PRKG1: variants seen among roughly 807,000 people sequenced by gnomAD.
PRKG1 encodes the protein cGMP-dependent protein kinase 1.
A neutral mutation model predicts 88.1 loss-of-function variants in PRKG1; 35 were observed. That is an observed-to-expected ratio of 0.40 (90% confidence interval 0.30 to 0.53). The LOEUF (loss-of-function observed/expected upper bound fraction) is 0.53. PRKG1 is among the 20% of genes least tolerant of loss of function. The pLI, the probability that PRKG1 is intolerant of heterozygous loss-of-function variation, is 0.59. For synonymous variants in PRKG1, 303 were observed against 292.5 expected (o/e 1.04, Z -0.37); for missense variants, 540 against 839.8 (o/e 0.64, Z 4.41).
rs1177317186 is a variant in PRKG1 at position 51,708,972 on chromosome 10, AC to A, written c.593-95612del. On this transcript the variant is annotated intron_variant, in intron 3 of 17. Transcript: ENST00000373980. The stretch of plus-strand genomic sequence containing the variant: ...AATTCCAAAAATACTTTGGTGACCT[AC>A]TCTTATGAAGGAAGGGAGCAGTTAA... Among the ~76,000 whole-genome samples, 4 of 152,100 alleles carry A rather than the reference AC, an allele frequency of 2.6e-5. No individual in the cohort carries two copies. In the East Asian group the frequency reaches 7.7e-4, roughly 29 times the overall value.
At position 51,787,826 on chromosome 10, in the gene PRKG1, A is replaced by G. The variant is rs542874670; in HGVS notation, c.593-16759A>G. On this transcript the variant is annotated intron_variant, in intron 3 of 17. Transcript: ENST00000373980. Reference sequence around the variant, plus strand: ...AAAAGTTCACAAACTACTTATTACAATCAACCTTCAGAATAACTCAGTTTT... The same window carrying G: ...AAAAGTTCACAAACTACTTATTACAGTCAACCTTCAGAATAACTCAGTTTT... Among the ~76,000 whole-genome samples, 20 of 152,282 alleles carry G rather than the reference A, an allele frequency of 1.3e-4. No individual in the cohort carries two copies. The East Asian group carries it at 2.3e-3, about 18-fold the overall frequency.
chr10:52,041,308 G>A (rs751758635), intron 5 of PRKG1, among the ~76,000 whole-genome samples: 2 of 152,186 alleles, frequency 1.3e-5, no homozygotes, highest in Non-Finnish European at 1.5e-5. Context: ...AACCATCCCT[G>A]CATCCTTTGG....
In PRKG1 at chr10:51,123,866, C is replaced by T. The variant is rs192291191; in HGVS notation, c.312-29298C>T. Among the ~76,000 whole-genome samples, 5 of 152,062 alleles carry T rather than the reference C, an allele frequency of 3.3e-5. No individual in the cohort carries two copies. The East Asian group carries it at 5.8e-4, about 18-fold the overall frequency. On this transcript the variant is annotated intron_variant, in intron 1 of 17. Coordinates refer to ENST00000373980, the MANE Select transcript of PRKG1 (RefSeq NM_006258.4). ...AGGTGAAGTGGAGGCAGGCACTTCA[C>T]GTGGTGAAAGCAGGCGCGAGAGAGT... is the stretch of plus-strand genomic sequence containing the variant.
rs141511113 is a variant in PRKG1 at position 51,035,491 on chromosome 10, T to G, written c.266+43847T>G. Among the ~76,000 whole-genome samples, 530 of 152,248 alleles carry G rather than the reference T, an allele frequency of 3.5e-3. 3 individuals are homozygous for G. The highest frequency in any genetic ancestry group is 0.011 in the African/African-American group (471 of 41,558). Reference sequence around the variant, plus strand: ...TCAGTTATAGGTCAATAACCTGGCTTTATTAACATAACACCTGGGTGATAC... The same window carrying G: ...TCAGTTATAGGTCAATAACCTGGCTGTATTAACATAACACCTGGGTGATAC... On this transcript the variant is annotated intron_variant, in intron 1 of 17. Coordinates refer to the PRKG1 transcript ENST00000401604.
intron 3 of PRKG1, among the ~76,000 whole-genome samples, chr10:51,763,433 AT>A (rs112536289): frequency 7.3e-5 from 11 of 151,654 alleles, no homozygotes; most frequent in African/African-American, 2.4e-4. Flanking sequence ...TTTAAAAAAA[AT>A]TTTTATAGAG....
At chr10:51,240,115 CA>C (rs1439400289) in intron 2 of PRKG1, among the ~76,000 whole-genome samples, 2 of 152,096 alleles carry the variant, frequency 1.3e-5, no homozygotes, top group African/African-American at 4.8e-5. Flanking sequence ...TCTACCTTGC[CA>C]GCCACATCAT....
chr10:51,901,071 G>T (rs1841969002), intron 4 of PRKG1, among the ~76,000 whole-genome samples: 1 of 152,102 alleles, frequency 6.6e-6, no homozygotes, highest in African/African-American at 2.4e-5. Flanking sequence ...AGTATAGTTT[G>T]GTGTTACTGC....
rs147550723 is a variant in PRKG1, at chr10:51,821,613, C to T, written c.698+16923C>T. 6.7e-3 allele frequency among the ~76,000 whole-genome samples: 1,014 copies of T among 152,050 alleles called. 10 individuals are homozygous for T. The highest frequency in any genetic ancestry group is 0.023 in the African/African-American group (950 of 41,498). On this transcript the variant is annotated intron_variant, in intron 4 of 17. Coordinates refer to ENST00000373980, the MANE Select transcript of PRKG1 (RefSeq NM_006258.4). ...CACCCCATTAACAATATTTTTAGCACGTTGACCTATATATTTATATTTAGC... is the reference window on the plus strand; with the variant it reads ...CACCCCATTAACAATATTTTTAGCATGTTGACCTATATATTTATATTTAGC...
At chr10:51,252,620 C>A (rs149149930) in intron 2 of PRKG1, among the ~76,000 whole-genome samples, 1 of 151,494 alleles carries the variant, frequency 6.6e-6, no homozygotes, top group Non-Finnish European at 1.5e-5. Context: ...ATAATAATTG[C>A]CCTTATTGAC....
intron 3 of PRKG1, among the ~76,000 whole-genome samples, chr10:51,524,842 G>A (rs1422923623): frequency 2.0e-5 from 3 of 152,118 alleles, no homozygotes; most frequent in South Asian, 2.1e-4. Context: ...TTTTTGGTAC[G>A]AAGGCTCACA....
chr10:51,080,437 A>ATT (rs35603562), intron 1 of PRKG1, among the ~76,000 whole-genome samples: 11 of 151,292 alleles, frequency 7.3e-5, no homozygotes, highest in African/African-American at 2.2e-4. Context: ...ATATGGACAC[A>ATT]TTTTTTTTTC....
intron 3 of PRKG1, among the ~76,000 whole-genome samples, chr10:51,765,124 A>G (rs1286490786): frequency 6.6e-6 from 1 of 152,188 alleles, no homozygotes; most frequent in East Asian, 1.9e-4. Context: ...GAGCACAGCT[A>G]GTTTCTTGAA....
rs186407643 is a variant in PRKG1 at position 51,826,860 on chromosome 10, G to A, written c.698+22170G>A. On this transcript the variant is annotated intron_variant, in intron 4 of 17. Transcript: ENST00000373980. The stretch of plus-strand genomic sequence containing the variant: ...TAAAATATAGCACAATAGACAAGAT[G>A]TGAAATAATTTTACTCTTGTTATTG... Among the ~76,000 whole-genome samples, 827 of 152,270 alleles carry A rather than the reference G, an allele frequency of 5.4e-3. 9 individuals are homozygous for A. Among genetic ancestry groups the A allele is most frequent in the Non-Finnish European group, 7.8e-3 (532 of 68,024 alleles).
chr10:51,867,810 A>G (rs1841052866), intron 4 of PRKG1, among the ~76,000 whole-genome samples: 1 of 152,198 alleles, frequency 6.6e-6, no homozygotes, highest in South Asian at 2.1e-4. Context: ...AATTGAAAAG[A>G]CGTAAAGTAA....
chr10:51,334,152 T>C (rs369564260), intron 2 of PRKG1, among the ~76,000 whole-genome samples: 150 of 137,088 alleles, frequency 1.1e-3, no homozygotes, highest in South Asian at 2.2e-3. Flanking sequence ...CTCTCTCTCT[T>C]TCTCTCTCTC....
chr10:51,473,818 A>G (rs989093822), intron 3 of PRKG1, among the ~76,000 whole-genome samples: 1 of 151,810 alleles, frequency 6.6e-6, no homozygotes, highest in African/African-American at 2.4e-5. Context: ...TCCCACAAAA[A>G]TCTGCACCAT....
At chr10:52,240,513 A>G (rs1236185665) in intron 9 of PRKG1, among the ~76,000 whole-genome samples, 3 of 152,202 alleles carry the variant, frequency 2.0e-5, no homozygotes, top group South Asian at 2.1e-4. Flanking sequence ...ACAAAACCCT[A>G]TAGATTGCTT....
chr10:51,529,276 A>G (rs1841956978), intron 3 of PRKG1, among the ~76,000 whole-genome samples: 1 of 152,038 alleles, frequency 6.6e-6, no homozygotes, highest in South Asian at 2.1e-4. Flanking sequence ...GACCTACACT[A>G]TTGCATTGAT....
chr10:51,899,609 G>A (rs1841933160), intron 4 of PRKG1, among the ~76,000 whole-genome samples: 1 of 149,400 alleles, frequency 6.7e-6, no homozygotes. Flanking sequence ...AGTGAGCCCA[G>A]ATCCCACCAT....
Sources: gnomAD v4.1 joint callset for allele counts (sites outside exome capture counted in the v4.1 genomes callset) on GRCh38, gnomAD v4.1.1 for gene constraint, MANE v1.5 for transcripts, NCBI Gene and HGNC (gene_info 2026-07-23, HGNC 2026-07-21) for gene names.